Variants in MOK observed in about 807,000 individuals in gnomAD.
MOK encodes MOK protein kinase.
MOK carries 59 observed loss-of-function variants against 54.2 expected under a neutral mutation model. The ratio of observed to expected loss-of-function variants is 1.09; its 90% CI spans 0.88 to 1.35. The LOEUF (loss-of-function observed/expected upper bound fraction) is 1.35, where lower values mean the gene tolerates loss of function less well. MOK is among the 40% of genes most tolerant of loss of function. The pLI, the probability that MOK is intolerant of heterozygous loss-of-function variation, is 0.00. For synonymous variants in MOK, 210 were observed against 202.7 expected (o/e 1.04, Z -0.31); for missense variants, 517 against 526.2 (o/e 0.98, Z 0.17).
chr14:102,281,891 G>A (rs907337735), intron 2 of MOK, among the ~76,000 whole-genome samples: 2 of 152,218 alleles, frequency 1.3e-5, no homozygotes, highest in Non-Finnish European at 2.9e-5. Context: ...TAGAAGAGAA[G>A]GAGCAGAACA....
chr14:102,271,582 A>G (rs545493616), intron 2 of MOK, among the ~76,000 whole-genome samples: 10 of 152,254 alleles, frequency 6.6e-5, no homozygotes, highest in African/African-American at 2.2e-4. Context: ...TTTTTAAGAC[A>G]GATTCTCGCT....
Position 102,231,625 on chromosome 14 carries a change from C to T in MOK, c.981+82G>A, listed in dbSNP as rs2064716152. On this transcript the variant is annotated intron_variant, in intron 10 of 11. Transcript: ENST00000361847. This position sits in a 1 kb window ranked among gnomAD's most constrained non-coding sequence, Gnocchi z 4.4. ...TGCCACAGCCTCCACAGGTGGCGTCCTCCTGAGAGAGACACAGGCCACCCG... is the reference window on the plus strand; with the variant it reads ...TGCCACAGCCTCCACAGGTGGCGTCTTCCTGAGAGAGACACAGGCCACCCG... 2.4e-6 allele frequency: 3 copies of T among 1,251,162 alleles called. No homozygotes were observed. The highest frequency in any genetic ancestry group is 3.5e-6 in the Non-Finnish European group (3 of 866,276). 77.5% of individuals were successfully genotyped at this position (1,251,162 alleles called of 1,614,324 possible).
intron 1 of MOK, among the ~76,000 whole-genome samples, chr14:102,292,871 T>C (rs888655020): frequency 2.0e-5 from 3 of 152,164 alleles, no homozygotes; most frequent in Non-Finnish European, 2.9e-5. Context: ...TGGTAGCTCA[T>C]GCCTGTAATC....
In MOK at chr14:102,229,557, G is replaced by C. The variant is rs572960058; in HGVS notation, c.1082C>G (p.Ser361Trp). ...CTGCAGCGTGGGGCTGGAGTAAGAC[G>C]ACAGTCTGACCACTCCCGAAAGCTT... ...KLKLSGVVRL[S>W]SYSSPTLQSV... Residue 361 changes from serine (S) to tryptophan (W), a missense_variant, in exon 11 of 12, where the codon TCG becomes TGG. Physicochemically the swap from Ser to Trp is radical, Grantham distance 177 (BLOSUM62 -3). Coordinates refer to ENST00000361847, the MANE Select transcript of MOK (RefSeq NM_014226.3). 4 of 1,614,054 alleles carry C rather than the reference G, an allele frequency of 2.5e-6. No individual in the cohort carries two copies. The highest frequency in any genetic ancestry group is 2.5e-6 in the Non-Finnish European group (3 of 1,180,044).
At chr14:102,283,890 G>A (rs993294413) in intron 1 of MOK, among the ~76,000 whole-genome samples, 2 of 152,266 alleles carry the variant, frequency 1.3e-5, no homozygotes, top group African/African-American at 4.8e-5. Flanking sequence ...AGCAGCAGAC[G>A]TGGGATTCTT....
intron 2 of MOK, among the ~76,000 whole-genome samples, chr14:102,269,683 G>T (rs2068202097): frequency 6.6e-6 from 1 of 151,960 alleles, no homozygotes; most frequent in African/African-American, 2.4e-5. Flanking sequence ...ATGTTGGCCA[G>T]GCTGGTTTCA....
At position 102,233,734 on chromosome 14, in the gene MOK, C is replaced by T. The variant is rs1174013425; in HGVS notation, c.646G>A (p.Asp216Asn). The part of the protein sequence containing the change: ...NELDQISKIH[D>N]VIGTPAQKIL... ...TTCTGAGCGGGTGTGCCGATGACAT[C>T]GTGGATTTTTGAGATTTGGTCCAGT... The change falls in exon 8 of 12, where the codon GAT becomes AAT. Residue 216 changes from aspartate to asparagine, a missense_variant. Coordinates refer to ENST00000361847, the MANE Select transcript of MOK (RefSeq NM_014226.3). The T allele has an allele frequency of 1.4e-5, 23 of 1,613,966 alleles. No homozygotes were observed. The highest frequency in any genetic ancestry group is 1.9e-5 in the Non-Finnish European group (22 of 1,179,998).
At chr14:102,299,653 C>G (rs554593241) in intron 1 of MOK, among the ~76,000 whole-genome samples, 1 of 151,992 alleles carries the variant, frequency 6.6e-6, no homozygotes, top group Non-Finnish European at 1.5e-5. Context: ...TGGTGTGATC[C>G]CAGCTCACTA....
In MOK at chr14:102,249,883, C is replaced by T. The variant is rs934705420; in HGVS notation, c.590+929G>A. 6.6e-5 allele frequency among the ~76,000 whole-genome samples: 10 copies of T among 152,166 alleles called. No individual in the cohort carries two copies. Among genetic ancestry groups the T allele is most frequent in the African/African-American group, 2.4e-4 (10 of 41,440 alleles). The stretch of plus-strand genomic sequence containing the variant: ...AAATGCGGGTGAGCAGGAAACAGCT[C>T]CAAGTGGGGAGATGAGTGCCTCAGC... On this transcript the variant is annotated intron_variant, in intron 7 of 11. Transcript: ENST00000361847. The surrounding 1 kb of genome is among the most constrained non-coding windows in gnomAD (Gnocchi z 5.3).
intron 7 of MOK, among the ~76,000 whole-genome samples, chr14:102,237,857 C>A (rs768694452): frequency 6.6e-6 from 1 of 152,226 alleles, no homozygotes; most frequent in African/African-American, 2.4e-5. Flanking sequence ...AGGAAACTAA[C>A]ATTGAGTCAA....
At chr14:102,250,420 T>A (rs1007401683) in intron 7 of MOK, among the ~76,000 whole-genome samples, 7 of 152,108 alleles carry the variant, frequency 4.6e-5, no homozygotes, top group African/African-American at 1.7e-4. Context: ...AGAGTCCAAC[T>A]GTGCCAGAAG....
intron 1 of MOK, among the ~76,000 whole-genome samples, chr14:102,294,505 C>T (rs2071219900): frequency 6.6e-6 from 1 of 151,498 alleles, no homozygotes; most frequent in Admixed American, 6.6e-5. Context: ...GCCCCGGCCA[C>T]TTGGGAGGCT....
chr14:102,247,851 G>A (rs964698329), intron 7 of MOK, among the ~76,000 whole-genome samples: 14 of 152,228 alleles, frequency 9.2e-5, no homozygotes, highest in African/African-American at 3.4e-4. Context: ...GATGGCCAGC[G>A]TGGCCCTCCT....
intron 7 of MOK, among the ~76,000 whole-genome samples, chr14:102,250,300 TG>T (rs1236744854): frequency 2.0e-5 from 3 of 151,672 alleles, no homozygotes; most frequent in African/African-American, 4.9e-5. Flanking sequence ...CACCTCGGAG[TG>T]GGACCGGCCC....
chr14:102,222,333 C>A (rs1168169827), downstream of MOK, among the ~76,000 whole-genome samples: 2 of 152,222 alleles, frequency 1.3e-5, no homozygotes, highest in East Asian at 3.8e-4. The surrounding 1 kb of genome is among the most constrained non-coding windows in gnomAD (Gnocchi z 4.4). Context: ...GTCACACCAC[C>A]CAACAAAGCA....
At position 102,231,543 on chromosome 14, in the gene MOK, C is replaced by T. The variant is rs1390163624; in HGVS notation, c.981+164G>A. 9.7e-6 allele frequency: 6 copies of T among 615,502 alleles called. No homozygotes were observed. Among genetic ancestry groups the T allele is most frequent in the African/African-American group, 1.8e-5 (1 of 54,328 alleles). 38.1% of individuals were successfully genotyped at this position (615,502 alleles called of 1,614,324 possible). On this transcript the variant is annotated intron_variant, in intron 10 of 11. Transcript: ENST00000361847. This position sits in a 1 kb window ranked among gnomAD's most constrained non-coding sequence, Gnocchi z 4.4. ...AAATAGAACTGGGGTCCCTGATGTC[C>T]CAACACATGGAGCCATCAACTCGCA...
chr14:102,240,501 TTGCTACCC>T lies in MOK; in HGVS notation c.591-6720_591-6713del, dbSNP rs2065629695. 1 of 157,796 alleles carries T rather than the reference TTGCTACCC, an allele frequency of 6.3e-6. No individual in the cohort carries two copies. The highest frequency in any genetic ancestry group is 2.4e-5 in the African/African-American group (1 of 41,566). 9.8% of individuals were successfully genotyped at this position (157,796 alleles called of 1,614,324 possible). On this transcript the variant is annotated intron_variant, in intron 7 of 11. Coordinates refer to ENST00000361847, the MANE Select transcript of MOK (RefSeq NM_014226.3). This position sits in a 1 kb window ranked among gnomAD's most constrained non-coding sequence, Gnocchi z 5.4. ...TTTTCACTCTCTTCTCCAGCCTCTC[TTGCTACCC>T]TTCAGTCTCCCTGTTCTTCCAATTC...
intron 4 of MOK, among the ~76,000 whole-genome samples, chr14:102,263,004 T>A (rs1216469773): frequency 6.6e-6 from 1 of 152,172 alleles, no homozygotes; most frequent in Non-Finnish European, 1.5e-5. Context: ...GCAACCTCTA[T>A]AAGTATCTCA....
At chr14:102,281,585 T>C (rs921041788) in intron 2 of MOK, among the ~76,000 whole-genome samples, 19 of 147,124 alleles carry the variant, frequency 1.3e-4, no homozygotes, top group Admixed American at 1.1e-3. Context: ...AAGGTGGCTG[T>C]TTAAGGAAGT....
Sources: gnomAD v4.1 joint callset for allele counts (sites outside exome capture counted in the v4.1 genomes callset) on GRCh38, gnomAD v4.1.1 for gene constraint, Gnocchi (gnomAD v3.1) non-coding constraint, MANE v1.5 for transcripts, NCBI Gene and HGNC (gene_info 2026-07-23, HGNC 2026-07-21) for gene names.